Variants in TRPC7 observed in about 807,000 individuals in gnomAD.
The protein encoded by TRPC7 is short transient receptor potential channel 7.
A neutral mutation model predicts 90.1 loss-of-function variants in TRPC7; 42 were observed. The ratio of observed to expected loss-of-function variants is 0.47; its 90% confidence interval spans 0.36 to 0.60. The LOEUF (loss-of-function observed/expected upper bound fraction) is 0.60, where lower values mean the gene tolerates loss of function less well. TRPC7 is among the 20% of genes least tolerant of loss of function. The probability of loss-of-function intolerance (pLI) is 0.00; values close to 1 mark genes in which losing one functional copy is unlikely to be tolerated. For synonymous variants in TRPC7, 451 were observed against 436.3 expected (o/e 1.03, Z -0.42); for missense variants, 955 against 1,112.3 (o/e 0.86, Z 2.01).
intron 1 of TRPC7, among the ~76,000 whole-genome samples, chr5:136,359,573 A>C (rs1760498130): frequency 6.6e-6 from 1 of 152,210 alleles, no homozygotes; most frequent in Non-Finnish European, 1.5e-5. Context: ...ATGGTACCAA[A>C]GGCAGACTGT....
At chr5:136,219,238 G>A (rs1755373962) in intron 10 of TRPC7, among the ~76,000 whole-genome samples, 1 of 152,228 alleles carries the variant, frequency 6.6e-6, no homozygotes. Flanking sequence ...GCACTGGCAT[G>A]CTCGATCTGA....
intron 2 of TRPC7, among the ~76,000 whole-genome samples, chr5:136,331,519 C>T (rs1759500336): frequency 6.6e-6 from 1 of 152,148 alleles, no homozygotes; most frequent in Non-Finnish European, 1.5e-5. Flanking sequence ...GCAAATTAAA[C>T]TTGAGTTCCT....
intron 2 of TRPC7, among the ~76,000 whole-genome samples, chr5:136,334,231 G>C (rs562698036): frequency 6.6e-6 from 1 of 152,146 alleles, no homozygotes; most frequent in South Asian, 2.1e-4. Context: ...TGGATTCAGA[G>C]TAAGAAATGT....
intron 3 of TRPC7, among the ~76,000 whole-genome samples, chr5:136,290,333 C>G (rs1757895309): frequency 6.6e-6 from 1 of 152,074 alleles, no homozygotes; most frequent in Non-Finnish European, 1.5e-5. Context: ...TTCAGAAGAT[C>G]AAACTACTCC....
At chr5:136,346,609 G>A (rs1403077552) in intron 2 of TRPC7, among the ~76,000 whole-genome samples, 1 of 152,082 alleles carries the variant, frequency 6.6e-6, no homozygotes, top group Admixed American at 6.6e-5. Flanking sequence ...CATATCACTG[G>A]CTTGGTTTGT....
At position 136,339,583 on chromosome 5, in the gene TRPC7, T is replaced by C. The variant is rs146189058; in HGVS notation, c.780+17025A>G. Reference sequence around the variant, plus strand: ...CATTCTGGTGACCAACTAACTCCACTTGGACCTGTGACTTATACCAAGAAA... The same window carrying C: ...CATTCTGGTGACCAACTAACTCCACCTGGACCTGTGACTTATACCAAGAAA... On this transcript the variant is annotated intron_variant, in intron 2 of 11. Transcript: ENST00000513104. Among the ~76,000 whole-genome samples, 3 of 152,270 alleles carry C rather than the reference T, an allele frequency of 2.0e-5. No individual in the cohort carries two copies. In the East Asian group the frequency reaches 5.8e-4, roughly 29 times the overall value.
intron 2 of TRPC7, among the ~76,000 whole-genome samples, chr5:136,337,129 C>T (rs1759691034): frequency 6.6e-6 from 1 of 152,194 alleles, no homozygotes; most frequent in Non-Finnish European, 1.5e-5. Flanking sequence ...GTCCACAAGG[C>T]TTCAAGCTAT....
intron 7 of TRPC7, among the ~76,000 whole-genome samples, chr5:136,234,455 G>A (rs751332478): frequency 5.3e-5 from 8 of 151,906 alleles, no homozygotes; most frequent in Admixed American, 2.6e-4. Flanking sequence ...GATTACAGGC[G>A]CGCGCCACTG....
intron 3 of TRPC7, among the ~76,000 whole-genome samples, chr5:136,293,744 C>T (rs1370666897): frequency 6.6e-6 from 1 of 152,082 alleles, no homozygotes; most frequent in Non-Finnish European, 1.5e-5. Context: ...CAGTGCCATC[C>T]CCATCAAGCT....
chr5:136,323,666 C>T (rs892595727), intron 2 of TRPC7, among the ~76,000 whole-genome samples: 1 of 152,168 alleles, frequency 6.6e-6, no homozygotes, highest in Non-Finnish European at 1.5e-5. Flanking sequence ...TCTATTTCTG[C>T]ACTCTCTGTT....
chr5:136,296,865 C>CTGAGG (rs1203258010), intron 3 of TRPC7, among the ~76,000 whole-genome samples: 1 of 152,190 alleles, frequency 6.6e-6, no homozygotes, highest in Non-Finnish European at 1.5e-5. Flanking sequence ...TGGAATGGAG[C>CTGAGG]TGAGCCCTTT....
At chr5:136,284,493 A>G (rs1401397893) in intron 3 of TRPC7, among the ~76,000 whole-genome samples, 3 of 152,216 alleles carry the variant, frequency 2.0e-5, no homozygotes, top group Non-Finnish European at 4.4e-5. Context: ...AGCCACATCT[A>G]CCTACACTCA....
intron 3 of TRPC7, among the ~76,000 whole-genome samples, chr5:136,297,377 A>G (rs1300165859): frequency 6.6e-6 from 1 of 152,188 alleles, no homozygotes; most frequent in Admixed American, 6.5e-5. Flanking sequence ...TATCAGAAGA[A>G]GAGTAAGCAT....
chr5:136,250,382 C>G (rs539035598), intron 6 of TRPC7, among the ~76,000 whole-genome samples: 1 of 152,288 alleles, frequency 6.6e-6, no homozygotes, highest in South Asian at 2.1e-4. Context: ...TTCTGTGGTC[C>G]CGGAGCCATC....
At chr5:136,251,362 T>C (rs1489214557) in intron 6 of TRPC7, among the ~76,000 whole-genome samples, 2 of 152,168 alleles carry the variant, frequency 1.3e-5, no homozygotes. Flanking sequence ...TACAGAAATG[T>C]TCCCAAGGGC....
At chr5:136,313,414 T>TCTAA (rs1455607228) in intron 3 of TRPC7, among the ~76,000 whole-genome samples, 2 of 151,700 alleles carry the variant, frequency 1.3e-5, no homozygotes, top group Non-Finnish European at 2.9e-5. Flanking sequence ...TATCTATCTA[T>TCTAA]CTATCTGTCT....
At chr5:136,249,806 T>C (rs955626767) in intron 6 of TRPC7, among the ~76,000 whole-genome samples, 13 of 152,244 alleles carry the variant, frequency 8.5e-5, no homozygotes, top group Non-Finnish European at 1.9e-4. Flanking sequence ...AAAATTGTTA[T>C]CTGCGCATTT....
At chr5:136,294,713 C>T (rs1758099845) in intron 3 of TRPC7, among the ~76,000 whole-genome samples, 1 of 152,170 alleles carries the variant, frequency 6.6e-6, no homozygotes, top group African/African-American at 2.4e-5. Flanking sequence ...CTAGTTCAAC[C>T]ATTGTGGAAG....
At chr5:136,348,106 T>A (rs1760069271) in intron 2 of TRPC7, among the ~76,000 whole-genome samples, 1 of 152,236 alleles carries the variant, frequency 6.6e-6, no homozygotes, top group South Asian at 2.1e-4. Context: ...CCATTTTCTA[T>A]AGCAGGTAGA....
Sources: gnomAD v4.1 joint callset for allele counts (sites outside exome capture counted in the v4.1 genomes callset) on GRCh38, gnomAD v4.1.1 for gene constraint, MANE v1.5 for transcripts, NCBI Gene and HGNC (gene_info 2026-07-23, HGNC 2026-07-21) for gene names.